Variants in ANO10 observed in about 807,000 individuals in gnomAD.
The protein encoded by ANO10 is anoctamin 10.
ANO10 carries 77 observed loss-of-function variants against 74.7 expected under a neutral mutation model. The ratio of observed to expected loss-of-function variants is 1.03; its 90% CI spans 0.86 to 1.25. ANO10 has a LOEUF of 1.25. Ranked by LOEUF, ANO10 falls within the 50% of genes most tolerant of loss-of-function variation. The pLI is 0.00. For synonymous variants in ANO10, 279 were observed against 284.9 expected (o/e 0.98, Z 0.21); for missense variants, 721 against 778.1 (o/e 0.93, Z 0.87).
chr3:43,428,803 A>AAAAAAAAAAAAAG (rs2092937772), intron 12 of ANO10, among the ~76,000 whole-genome samples: 1 of 149,996 alleles, frequency 6.7e-6, no homozygotes, highest in Admixed American at 6.6e-5. Context: ...ATGCAAAAAA[A>AAAAAAAAAAAAAG]AAAAAAAAAA....
intron 11 of ANO10, among the ~76,000 whole-genome samples, chr3:43,481,687 C>CAACAATCACTTAATCTT (rs1559594872): frequency 6.6e-6 from 1 of 152,154 alleles, no homozygotes; most frequent in Non-Finnish European, 1.5e-5. Context: ...ACCCTGGTCT[C>CAACAATCACTTAATCTT]AACAATCACT....
intron 8 of ANO10, among the ~76,000 whole-genome samples, chr3:43,562,612 T>C (rs1472444692): frequency 6.7e-6 from 1 of 148,766 alleles, no homozygotes; most frequent in Non-Finnish European, 1.5e-5. Flanking sequence ...ACCTAGGAGG[T>C]AGAGGCTGCA....
chr3:43,501,886 A>G (rs1228623405), intron 11 of ANO10, among the ~76,000 whole-genome samples: 2 of 152,194 alleles, frequency 1.3e-5, no homozygotes, highest in Non-Finnish European at 2.9e-5. Flanking sequence ...CCCACATCCT[A>G]TTCTAAGCCA....
chr3:43,399,783 T>C (rs2092447096), intron 12 of ANO10, among the ~76,000 whole-genome samples: 1 of 152,192 alleles, frequency 6.6e-6, no homozygotes, highest in African/African-American at 2.4e-5. Flanking sequence ...GGCACAGATG[T>C]AGCATCTTTC....
At chr3:43,443,605 T>C (rs1052936387) in intron 11 of ANO10, among the ~76,000 whole-genome samples, 2 of 151,490 alleles carry the variant, frequency 1.3e-5, no homozygotes, top group African/African-American at 4.8e-5. Context: ...GGGAATATGT[T>C]AGAAGAGTCA....
intron 11 of ANO10, among the ~76,000 whole-genome samples, chr3:43,483,642 A>G (rs2076354831): frequency 2.0e-5 from 3 of 152,352 alleles, no homozygotes; most frequent in South Asian, 4.1e-4. Context: ...AATATGAGTG[A>G]CCATGGCCCA....
rs186999495 is a variant in ANO10, at chr3:43,669,023, G to A, written c.-12+22494C>T. On this transcript the variant is annotated intron_variant, in intron 1 of 3. Transcript: ENST00000413397. Reference sequence around the variant, plus strand: ...ATGTACATTTATAACTAATCCAAGTGTTCTATAGTCCTATGATTAGGTCTT... The same window carrying A: ...ATGTACATTTATAACTAATCCAAGTATTCTATAGTCCTATGATTAGGTCTT... Among the ~76,000 whole-genome samples, 680 of 152,216 alleles carry A rather than the reference G, an allele frequency of 4.5e-3. 5 individuals carry two copies. Among genetic ancestry groups the A allele is most frequent in the Non-Finnish European group, 7.6e-3 (515 of 68,008 alleles).
chr3:43,389,095 C>T (rs1157920218), intron 12 of ANO10, among the ~76,000 whole-genome samples: 2 of 152,250 alleles, frequency 1.3e-5, no homozygotes. Context: ...CCTGCTTAAA[C>T]CATATGGCTG....
chr3:43,448,741 A>G (rs1180290905), intron 11 of ANO10, among the ~76,000 whole-genome samples: 1 of 152,252 alleles, frequency 6.6e-6, no homozygotes, highest in Non-Finnish European at 1.5e-5. Flanking sequence ...ATATGGTAAA[A>G]GTATGCTTAG....
chr3:43,656,418 G>A lies in ANO10; in HGVS notation c.-12+35099C>T, dbSNP rs990724223. The stretch of plus-strand genomic sequence containing the variant: ...TGGAGCTGCCTGCCAGTCCTGTGCC[G>A]TGCGCTCGCACTCCTCAGCCCTTGG... On this transcript the variant is annotated intron_variant, in intron 1 of 3. Coordinates refer to the ANO10 transcript ENST00000413397. 4.7e-4 allele frequency among the ~76,000 whole-genome samples: 71 copies of A among 152,342 alleles called. 2 individuals are homozygous for A. Among genetic ancestry groups the A allele is most frequent in the African/African-American group, 1.6e-3 (68 of 41,580 alleles).
intron 1 of ANO10, among the ~76,000 whole-genome samples, chr3:43,677,694 A>AT (rs1333462412): frequency 6.6e-6 from 1 of 152,248 alleles, no homozygotes; most frequent in Non-Finnish European, 1.5e-5. Flanking sequence ...GCCTTCACTC[A>AT]TAAGTCTGGT....
intron 12 of ANO10, among the ~76,000 whole-genome samples, chr3:43,430,857 G>A (rs1028661430): frequency 4.6e-5 from 7 of 151,862 alleles, no homozygotes; most frequent in Non-Finnish European, 1.0e-4. Context: ...AAAAAAAATT[G>A]TTCTATAAGT....
intron 11 of ANO10, among the ~76,000 whole-genome samples, chr3:43,500,880 A>G (rs1208606131): frequency 6.6e-6 from 1 of 152,062 alleles, no homozygotes; most frequent in Non-Finnish European, 1.5e-5. Flanking sequence ...AGCTCAACCT[A>G]GAATGGTGAT....
intron 1 of ANO10, among the ~76,000 whole-genome samples, chr3:43,660,502 T>C (rs111756130): frequency 0.022 from 3,418 of 151,998 alleles, 73 homozygotes; most frequent in African/African-American, 0.057. Flanking sequence ...TATCAGTGAT[T>C]GAAGATCAAA....
At chr3:43,578,749 CA>C (rs56186109) in intron 5 of ANO10, among the ~76,000 whole-genome samples, 132 of 64,396 alleles carry the variant, frequency 2.0e-3, no homozygotes, top group African/African-American at 6.0e-3. Context: ...GACTCCATCT[CA>C]AAAAAAAAAA....
chr3:43,570,688 A>G (rs1336395797), intron 7 of ANO10, among the ~76,000 whole-genome samples: 1 of 146,808 alleles, frequency 6.8e-6, no homozygotes, highest in Non-Finnish European at 1.5e-5. Context: ...TCAATTCAAG[A>G]TGGATTAAAG....
upstream of ANO10, among the ~76,000 whole-genome samples, chr3:43,622,564 T>C (rs967524284): frequency 6.6e-6 from 1 of 152,214 alleles, no homozygotes; most frequent in African/African-American, 2.4e-5. Context: ...GATCCTTTTA[T>C]AATTAAAACC....
chr3:43,591,716 C>G (rs1044920165), intron 4 of ANO10, among the ~76,000 whole-genome samples: 2 of 152,300 alleles, frequency 1.3e-5, no homozygotes, highest in East Asian at 3.9e-4. Flanking sequence ...ACTGAGGTAC[C>G]AGGTTCATCT....
At chr3:43,656,842 T>C (rs1415030654) in intron 1 of ANO10, among the ~76,000 whole-genome samples, 1 of 152,186 alleles carries the variant, frequency 6.6e-6, no homozygotes, top group African/African-American at 2.4e-5. Flanking sequence ...GGGAGTGGGC[T>C]CCGGCCTTGG....
Sources: allele counts gnomAD v4.1 joint callset (sites outside exome capture counted in the v4.1 genomes callset), GRCh38; gene constraint gnomAD v4.1.1; transcripts MANE v1.5; gene names NCBI Gene and HGNC (gene_info 2026-07-23, HGNC 2026-07-21).